Variants in SERAC1 observed in about 807,000 individuals in gnomAD.
SERAC1 encodes the protein protein SERAC1.
Under a neutral mutation model 85.7 loss-of-function variants are expected in SERAC1, and 36 were observed. The ratio of observed to expected loss-of-function variants is 0.42; its 90% CI spans 0.32 to 0.55. The LOEUF is 0.55. Among genes scored for constraint, SERAC1 ranks in the 20% least tolerant of loss-of-function variants. The probability of loss-of-function intolerance (pLI) is 0.11; values close to 1 mark genes in which losing one functional copy is unlikely to be tolerated. For missense variants in SERAC1, 629 were observed against 796.2 expected (o/e 0.79, Z 2.53); for synonymous variants, 242 against 265.3 (o/e 0.91, Z 0.85).
intron 1 of SERAC1, among the ~76,000 whole-genome samples, chr6:158,164,436 C>T (rs1317366564): frequency 6.6e-6 from 1 of 151,904 alleles, no homozygotes; most frequent in Admixed American, 6.5e-5. Context: ...GATTGCGCCA[C>T]GGCAGTCCAG....
In SERAC1 at chr6:158,119,295, C is replaced by T. The variant is rs1364082386; in HGVS notation, c.1167-125G>A. 2.6e-6 allele frequency: 3 copies of T among 1,174,238 alleles called. No individual in the cohort carries two copies. The highest frequency in any genetic ancestry group is 1.8e-5 in the South Asian group (1 of 56,542). The allele number at this position is 1,174,238 out of a possible 1,614,324, so 72.7% of individuals were successfully genotyped here. On this transcript the variant is annotated intron_variant, in intron 11 of 16. Transcript: ENST00000647468. The surrounding 1 kb of genome is among the most constrained non-coding windows in gnomAD (Gnocchi z 4.5). Reference sequence around the variant, plus strand: ...TATGTGACATAAAACTGAATTAAAGCAAGCTCTATAAGCACAGGTTTGCTG... The same window carrying T: ...TATGTGACATAAAACTGAATTAAAGTAAGCTCTATAAGCACAGGTTTGCTG...
chr6:158,140,911 T>A (rs1465250686), intron 8 of SERAC1, among the ~76,000 whole-genome samples: 7 of 152,234 alleles, frequency 4.6e-5, no homozygotes, highest in African/African-American at 9.6e-5. Flanking sequence ...GCTTTTTTCC[T>A]ATCTTGTACA....
intron 1 of SERAC1, among the ~76,000 whole-genome samples, chr6:158,164,271 C>T (rs140023307): frequency 0.025 from 3,857 of 151,666 alleles, 172 homozygotes; most frequent in African/African-American, 0.088. Context: ...GTCAGGAGAT[C>T]GAGACCAGCC....
chr6:158,128,387 G>C (rs1784596514), intron 9 of SERAC1, 117 bp from the exon 10 acceptor site: 2 of 877,294 alleles, frequency 2.3e-6, no homozygotes, highest in Non-Finnish European at 1.8e-6. Context: ...GGGATGCAGG[G>C]AGACTCCTCA....
chr6:158,111,813 C>A (rs1784150179), intron 16 of SERAC1: 1 of 183,234 alleles, frequency 5.5e-6, no homozygotes, highest in African/African-American at 2.3e-5. Flanking sequence ...CTTACACCTG[C>A]AGGTTATTGC....
rs115366928 is a variant in SERAC1, at chr6:158,122,885, A to G, written c.1016-2310T>C. ...AGCAGTATGTCTTGGAGAGCTCTCT[A>G]TATATATCAACTTCATTCCTTTGAA... On this transcript the variant is annotated intron_variant, in intron 10 of 16. Coordinates refer to ENST00000647468, the MANE Select transcript of SERAC1 (RefSeq NM_032861.4). Among the ~76,000 whole-genome samples the G allele has an allele frequency of 3.9e-3, 590 of 152,328 alleles. 6 individuals carry two copies. Among genetic ancestry groups the G allele is most frequent in the African/African-American group, 0.014 (565 of 41,574 alleles).
At chr6:158,166,751 G>A (rs1223477437) in intron 1 of SERAC1, among the ~76,000 whole-genome samples, 1 of 152,234 alleles carries the variant, frequency 6.6e-6, no homozygotes, top group African/African-American at 2.4e-5. Context: ...ATGCCATTAT[G>A]AATAGTGTCT....
At chr6:158,142,404 A>G (rs1436485457) in intron 8 of SERAC1, among the ~76,000 whole-genome samples, 3 of 151,850 alleles carry the variant, frequency 2.0e-5, no homozygotes, top group African/African-American at 7.3e-5. Flanking sequence ...GCCTCAGGCA[A>G]TCCTCCTGCC....
At chr6:158,130,633 C>A in intron 8 of SERAC1, 147 bp from the exon 9 acceptor site, 1 of 563,952 alleles carries the variant, frequency 1.8e-6, no homozygotes, top group Non-Finnish European at 3.1e-6. Flanking sequence ...GTAAAAGGAA[C>A]TTTATGCAAA....
At chr6:158,134,598 TG>T (rs937221359) in intron 8 of SERAC1, among the ~76,000 whole-genome samples, 68 of 151,942 alleles carry the variant, frequency 4.5e-4, no homozygotes, top group Non-Finnish European at 8.7e-4. Context: ...TTATCCCATA[TG>T]GATTAGAAAA....
intron 8 of SERAC1, among the ~76,000 whole-genome samples, chr6:158,131,988 A>G (rs1224876650): frequency 6.6e-6 from 1 of 150,558 alleles, no homozygotes; most frequent in African/African-American, 2.5e-5. Context: ...TATGTATCCT[A>G]TGCTACTACT....
At chr6:158,156,831 ATTAT>A (rs1785349688) in intron 2 of SERAC1, among the ~76,000 whole-genome samples, 1 of 132,370 alleles carries the variant, frequency 7.6e-6, no homozygotes, top group Non-Finnish European at 1.6e-5. Context: ...ATATTAATAT[ATTAT>A]ATAAATATAT....
chr6:158,114,432 A>G, intron 15 of SERAC1: 1 of 1,000,766 alleles, frequency 1.0e-6, no homozygotes, highest in Non-Finnish European at 1.2e-6. Flanking sequence ...TAACAATCTC[A>G]AAGTTTCATT....
chr6:158,129,567 C>CT (rs1430842434), intron 9 of SERAC1, among the ~76,000 whole-genome samples: 1 of 152,066 alleles, frequency 6.6e-6, no homozygotes, highest in African/African-American at 2.4e-5. Context: ...AGGTTTGTTG[C>CT]TTTTTTCTTT....
At chr6:158,111,792 T>C (rs1266507999) in intron 16 of SERAC1, 1 of 206,954 alleles carries the variant, frequency 4.8e-6, no homozygotes, top group African/African-American at 2.3e-5. Flanking sequence ...CACTAACATA[T>C]TCAAAACCTT....
intron 16 of SERAC1, chr6:158,111,885 C>T (rs994587446): frequency 1.1e-4 from 18 of 159,862 alleles, no homozygotes; most frequent in African/African-American, 4.1e-4. Context: ...ATGGGAATGT[C>T]TCACATGGGA....
rs754302604 is a variant in SERAC1 at position 158,130,363 on chromosome 6, T to C, written c.852+10A>G. 7.0e-7 allele frequency: 1 copy of C among 1,427,006 alleles called. No homozygotes were observed. The highest frequency in any genetic ancestry group is 2.4e-5 in the East Asian group (1 of 41,272). The allele number at this position is 1,427,006 out of a possible 1,614,324, so 88.4% of individuals were successfully genotyped here. ...TAAAAAGTAAACTACATTTTGAAAATGTAAATTACCTCAGAATGTTTTACT... is the reference window on the plus strand; with the variant it reads ...TAAAAAGTAAACTACATTTTGAAAACGTAAATTACCTCAGAATGTTTTACT... On this transcript the variant is annotated intron_variant, in intron 9 of 16. Transcript: ENST00000647468.
intron 10 of SERAC1, among the ~76,000 whole-genome samples, chr6:158,122,906 T>C (rs1453177319): frequency 6.6e-6 from 1 of 152,216 alleles, no homozygotes; most frequent in Non-Finnish European, 1.5e-5. Context: ...CTTCATTCCT[T>C]TGAACTATAG....
intron 9 of SERAC1, among the ~76,000 whole-genome samples, chr6:158,129,827 CTG>C (rs1784630646): frequency 6.6e-6 from 1 of 151,886 alleles, no homozygotes; most frequent in Non-Finnish European, 1.5e-5. Flanking sequence ...CTCCAAGTAG[CTG>C]GGATTACAGG....
Sources: allele counts gnomAD v4.1 joint callset (sites outside exome capture counted in the v4.1 genomes callset), GRCh38; gene constraint gnomAD v4.1.1; non-coding constraint Gnocchi (gnomAD v3.1); transcripts MANE v1.5; gene names NCBI Gene and HGNC (gene_info 2026-07-23, HGNC 2026-07-21).